The following MATN2 variants were observed in gnomAD, a reference collection of about 807,000 sequenced individuals.
The protein encoded by MATN2 is matrilin-2.
A neutral mutation model predicts 103.2 loss-of-function variants in MATN2; 69 were observed. The ratio of observed to expected loss-of-function variants is 0.67; its 90% CI spans 0.55 to 0.82. The LOEUF is 0.82. Ranked by LOEUF, MATN2 falls within the 40% of genes least tolerant of loss-of-function variation. The pLI, the probability that MATN2 is intolerant of heterozygous loss-of-function variation, is 0.00. For missense variants in MATN2, 1,023 were observed against 1,211.5 expected, an observed-to-expected ratio of 0.84 and a Z score of 2.31; for synonymous variants, 429 against 450.2, an observed-to-expected ratio of 0.95 and a Z score of 0.60.
In MATN2 at chr8:97,988,152, C is replaced by CAAA. The variant is rs869146483; in HGVS notation, c.1082-6310_1082-6308dup. On this transcript the variant is annotated intron_variant, in intron 6 of 18. Coordinates refer to ENST00000254898, the MANE Select transcript of MATN2 (RefSeq NM_002380.5). ...TGGGCAACATAGAGCCCATCTCCAC[C>CAAA]AAAAAAAAAAAAAAAAAAAATATAT... Among the ~76,000 whole-genome samples, 212 of 65,794 alleles carry CAAA rather than the reference C, an allele frequency of 3.2e-3. 4 individuals carry two copies. The highest frequency in any genetic ancestry group is 3.7e-3 in the Non-Finnish European group (143 of 38,418). 43.2% of individuals were successfully genotyped at this position (65,794 alleles called of 152,430 possible).
chr8:97,972,416 T>C (rs777396524), intron 5 of MATN2, among the ~76,000 whole-genome samples: 58 of 152,110 alleles, frequency 3.8e-4, no homozygotes, highest in Non-Finnish European at 6.6e-4. Flanking sequence ...ATTCCAGTTA[T>C]GCCTTGGAGA....
At chr8:97,983,236 T>A (rs1812084239) in intron 6 of MATN2, among the ~76,000 whole-genome samples, 1 of 152,252 alleles carries the variant, frequency 6.6e-6, no homozygotes, top group South Asian at 2.1e-4. Flanking sequence ...TAAGACTGCA[T>A]AATATTCAAT....
At chr8:97,897,599 A>G (rs1442074813) in intron 2 of MATN2, among the ~76,000 whole-genome samples, 1 of 152,236 alleles carries the variant, frequency 6.6e-6, no homozygotes, top group Non-Finnish European at 1.5e-5. Flanking sequence ...TGTTTTAAAT[A>G]TAGCAACGTT....
Position 97,929,323 on chromosome 8 carries a change from C to A in MATN2, c.143-1630C>A, listed in dbSNP as rs78461394. Among the ~76,000 whole-genome samples, 1,411 of 152,294 alleles carry A rather than the reference C, an allele frequency of 9.3e-3. 18 individuals carry two copies. Among genetic ancestry groups the A allele is most frequent in the African/African-American group, 0.032 (1,312 of 41,556 alleles). ...ATTTTGGCTTTCTCTCTCTTTCTTG[C>A]AGCTGTGGTGATTAGGATTTAGGGC... On this transcript the variant is annotated intron_variant, in intron 2 of 18. Transcript: ENST00000254898.
intron 2 of MATN2, among the ~76,000 whole-genome samples, chr8:97,930,306 C>T (rs528347384): frequency 6.6e-6 from 1 of 152,340 alleles, no homozygotes; most frequent in South Asian, 2.1e-4. Context: ...CTGTTATATT[C>T]TCTGCAGTGC....
At chr8:98,028,728 A>C (rs1395807445) in intron 14 of MATN2, among the ~76,000 whole-genome samples, 9 of 152,048 alleles carry the variant, frequency 5.9e-5, no homozygotes, top group Non-Finnish European at 1.3e-4. Flanking sequence ...TGGGTACTAC[A>C]GGCGCCCGCC....
intron 10 of MATN2, among the ~76,000 whole-genome samples, chr8:98,008,106 A>C (rs1813035051): frequency 6.6e-6 from 1 of 152,160 alleles, no homozygotes; most frequent in African/African-American, 2.4e-5. Context: ...CTGGGAGAAG[A>C]GGATGCTCCT....
intron 13 of MATN2, among the ~76,000 whole-genome samples, chr8:98,024,282 A>C (rs949045956): frequency 1.3e-5 from 2 of 152,226 alleles, no homozygotes; most frequent in African/African-American, 4.8e-5. Context: ...AAGCGGGCGG[A>C]TCACCTGAGG....
chr8:97,997,295 A>G (rs16896521), intron 7 of MATN2, among the ~76,000 whole-genome samples: 14,127 of 152,234 alleles, frequency 0.093, 932 homozygotes, highest in Admixed American at 0.19. Context: ...TGTCACTCAT[A>G]TTGGTTATGT....
intron 5 of MATN2, among the ~76,000 whole-genome samples, chr8:97,974,155 T>A (rs1811757067): frequency 1.3e-5 from 2 of 152,208 alleles, no homozygotes; most frequent in African/African-American, 4.8e-5. Flanking sequence ...ATTTATTTAT[T>A]TTGAGACAGA....
chr8:98,007,111 A>G lies in MATN2; in HGVS notation c.1334A>G (p.Asp445Gly). ...CGCGTGTGTGAAAATGCAGGAGTGG[A>G]CCACTGTGCACAGCAGGACCATGGC... is the stretch of plus-strand genomic sequence containing the variant. ...DPNGKTCSRV[D>G]HCAQQDHGCE... is the part of the protein sequence containing the mutation. Residue 445 changes from aspartate to glycine, a missense_variant, in exon 9 of 19, where the codon GAC (aspartate) becomes GGC (glycine). Asp to Gly is a moderately conservative substitution (Grantham distance 94, BLOSUM62 -1). Transcript: ENST00000254898. This position sits in a 1 kb window ranked among gnomAD's most constrained non-coding sequence, Gnocchi z 4.2. 1 of 1,609,272 alleles carries G rather than the reference A, an allele frequency of 6.2e-7. No individual in the cohort carries two copies. Among genetic ancestry groups the G allele is most frequent in the Non-Finnish European group, 8.5e-7 (1 of 1,177,784 alleles).
At chr8:98,000,627 TCA>T (rs1812751962) in intron 7 of MATN2, among the ~76,000 whole-genome samples, 1 of 113,514 alleles carries the variant, frequency 8.8e-6, no homozygotes, top group Admixed American at 8.9e-5. Flanking sequence ...TGGTTAACAA[TCA>T]CACATATCTT....
intron 1 of MATN2, among the ~76,000 whole-genome samples, chr8:97,881,913 C>CTTTTTTTTTTTTTTTTTTTTTTTTT: frequency 1.2e-5 from 1 of 84,090 alleles, no homozygotes; most frequent in Non-Finnish European, 2.1e-5. Context: ...TATTACTTAT[C>CTTTTTTTTTTTTTTTTTTTTTTTTT]TTTTTTTTTT....
chr8:97,975,050 G>A (rs987997654), intron 5 of MATN2, among the ~76,000 whole-genome samples: 3 of 152,298 alleles, frequency 2.0e-5, no homozygotes, highest in Admixed American at 2.0e-4. Context: ...CTCAGTCAAT[G>A]GAAAAAGTAC....
In MATN2 at chr8:97,914,529, C is replaced by T. The variant is rs117610456; in HGVS notation, c.143-16424C>T. On this transcript the variant is annotated intron_variant, in intron 2 of 18. Transcript: ENST00000254898. ...AGGACTACAGGCCTGCACCATTACA[C>T]CCGGCTACTTTTTTTTTTTTAATCT... Among the ~76,000 whole-genome samples the T allele has an allele frequency of 1.4e-4, 21 of 151,720 alleles. No individual in the cohort carries two copies. In the East Asian group the frequency reaches 2.9e-3, roughly 21 times the overall value.
In MATN2 at chr8:97,997,866, CT is replaced by C. The variant is rs1427206272; in HGVS notation, c.1204+3265del. The stretch of plus-strand genomic sequence containing the variant: ...ACAGAATCTCATTCTATTGCCCAGG[CT>C]GGAGTGCAGTGGAGCAATCTTGGCT... On this transcript the variant is annotated intron_variant, in intron 7 of 18. Coordinates refer to ENST00000254898, the MANE Select transcript of MATN2 (RefSeq NM_002380.5). 2.1e-5 allele frequency among the ~76,000 whole-genome samples: 3 copies of C among 143,220 alleles called. 1 individual carries two copies. The highest frequency in any genetic ancestry group is 7.9e-5 in the African/African-American group (3 of 38,208). The allele number at this position is 143,220 out of a possible 152,430, so 94.0% of individuals were successfully genotyped here.
intron 5 of MATN2, among the ~76,000 whole-genome samples, chr8:97,963,390 A>G (rs896796505): frequency 3.9e-5 from 6 of 152,170 alleles, no homozygotes; most frequent in Admixed American, 3.9e-4. Context: ...TGCATTGGTC[A>G]CAGGGAGTAG....
Position 98,028,267 on chromosome 8 carries a change from A to C in MATN2, c.2356+438A>C, listed in dbSNP as rs142539554. Among the ~76,000 whole-genome samples the C allele has an allele frequency of 1.9e-4, 29 of 152,324 alleles. No homozygotes were observed. In the East Asian group the frequency reaches 5.6e-3, roughly 29 times the overall value. On this transcript the variant is annotated intron_variant, in intron 14 of 18. Coordinates refer to ENST00000254898, the MANE Select transcript of MATN2 (RefSeq NM_002380.5). ...TTTTTAACCAATACTTCAAGCGAGC[A>C]TTCTGAAAATGCAATAGCCCCTAGG...
Position 98,032,262 on chromosome 8 carries a change from T to A in MATN2, c.2526T>A (p.Asp842Glu). ...TCTGCTCAGCTCTAGAAGACTCCGA[T>A]GGAAGACAGGACTCTCCAGCAGGGG... ...KGICEALEDS[D>E]GRQDSPAGEL... Residue 842 changes from aspartate to glutamate, a missense_variant, in exon 16 of 19, where the codon GAT becomes GAA. By Grantham distance (45) the Asp-to-Glu change is conservative (BLOSUM62 2). Transcript: ENST00000254898. The A allele has an allele frequency of 6.2e-7, 1 of 1,611,872 alleles. No homozygotes were observed. Among genetic ancestry groups the A allele is most frequent in the Non-Finnish European group, 8.5e-7 (1 of 1,178,942 alleles).
Sources: gnomAD v4.1 joint callset for allele counts (sites outside exome capture counted in the v4.1 genomes callset) on GRCh38, gnomAD v4.1.1 for gene constraint, Gnocchi (gnomAD v3.1) non-coding constraint, MANE v1.5 for transcripts, NCBI Gene and HGNC (gene_info 2026-07-23, HGNC 2026-07-21) for gene names.